Variants in OR9Q1 observed in about 807,000 individuals in gnomAD.
The protein encoded by OR9Q1 is olfactory receptor family 9 subfamily Q member 1.
For missense variants in OR9Q1, 374 were observed against 378.8 expected, an observed-to-expected ratio of 0.99 and a Z score of 0.11; for synonymous variants, 153 against 148.6, an observed-to-expected ratio of 1.03 and a Z score of -0.22.
Position 58,176,317 on chromosome 11 carries a change from G to A in OR9Q1, c.-14-3114G>A, listed in dbSNP as rs1426996058. ...AACCCCACTCAGTGGGTGCATGGCA[G>A]GGCTTTGAGAACCGTGACTGGGAAG... On this transcript the variant is annotated intron_variant, in intron 2 of 2. Transcript: ENST00000335397. Among the ~76,000 whole-genome samples the A allele has an allele frequency of 4.6e-5, 7 of 152,338 alleles. No homozygotes were observed. The East Asian group carries it at 9.6e-4, about 21-fold the overall frequency.
intron 2 of OR9Q1, among the ~76,000 whole-genome samples, chr11:58,102,612 G>T (rs1268172598): frequency 6.6e-6 from 1 of 151,422 alleles, no homozygotes; most frequent in African/African-American, 2.4e-5. Context: ...CTCTTGGCCT[G>T]CAAGGTTTCT....
intron 2 of OR9Q1, among the ~76,000 whole-genome samples, chr11:58,140,479 G>A (rs2119865895): frequency 6.6e-6 from 1 of 152,224 alleles, no homozygotes; most frequent in South Asian, 2.1e-4. Context: ...TGTAAGGAAG[G>A]AATCCAGTTT....
chr11:58,138,839 C>T (rs1220799383), intron 2 of OR9Q1, among the ~76,000 whole-genome samples: 1 of 152,138 alleles, frequency 6.6e-6, no homozygotes, highest in Non-Finnish European at 1.5e-5. Context: ...CTATAGTCAC[C>T]ATGCTGTACC....
At chr11:58,037,678 TATATATATATA>T (rs200569592) in intron 1 of OR9Q1, among the ~76,000 whole-genome samples, 4,058 of 18,884 alleles carry the variant, frequency 0.21, 263 homozygotes, top group East Asian at 0.41. Flanking sequence ...TATATATATA[TATATATATATA>T]TTTTTTTTTT....
chr11:58,082,952 C>G (rs1853603418), intron 2 of OR9Q1, among the ~76,000 whole-genome samples: 1 of 150,934 alleles, frequency 6.6e-6, no homozygotes, highest in African/African-American at 2.4e-5. Flanking sequence ...CCCCTTCCCC[C>G]ACCCCACAAC....
chr11:58,083,907 T>C (rs1853611918), intron 2 of OR9Q1, among the ~76,000 whole-genome samples: 1 of 152,002 alleles, frequency 6.6e-6, no homozygotes. Flanking sequence ...TCTCCAGCTT[T>C]GTTCATTTTA....
At chr11:58,100,614 TTTA>T (rs1853774137) in intron 2 of OR9Q1, among the ~76,000 whole-genome samples, 1 of 152,192 alleles carries the variant, frequency 6.6e-6, no homozygotes, top group Non-Finnish European at 1.5e-5. Context: ...TATATTTATA[TTTA>T]TTTTCTGTAT....
At position 58,083,683 on chromosome 11, in the gene OR9Q1, C is replaced by T. The variant is rs1291491981; in HGVS notation, c.-15+27736C>T. On this transcript the variant is annotated intron_variant, in intron 2 of 2. Transcript: ENST00000335397. Reference sequence around the variant, plus strand: ...GTTTCATTCTTCTGCATGTGGCTAGCCAGTTATCCCAGCACCATTTATCGA... The same window carrying T: ...GTTTCATTCTTCTGCATGTGGCTAGTCAGTTATCCCAGCACCATTTATCGA... Among the ~76,000 whole-genome samples the T allele has an allele frequency of 1.3e-5, 2 of 151,294 alleles. 1 individual carries two copies. The highest frequency in any genetic ancestry group is 4.9e-5 in the African/African-American group (2 of 40,686).
At chr11:58,109,798 C>T (rs1853881875) in intron 2 of OR9Q1, 3 of 347,862 alleles carry the variant, frequency 8.6e-6, no homozygotes, top group East Asian at 7.5e-5. Context: ...TATTTACCAT[C>T]TTGAGTCCAC....
intron 2 of OR9Q1, among the ~76,000 whole-genome samples, chr11:58,127,926 A>G (rs1422999220): frequency 2.0e-5 from 3 of 152,214 alleles, no homozygotes; most frequent in Admixed American, 2.0e-4. Flanking sequence ...GGAGCTATCC[A>G]GATAAAGTGT....
chr11:58,152,910 T>C (rs1854368113), intron 2 of OR9Q1, among the ~76,000 whole-genome samples: 1 of 152,214 alleles, frequency 6.6e-6, no homozygotes, highest in Admixed American at 6.5e-5. Context: ...CTCTGAGAGA[T>C]TGCTGGGCAA....
At chr11:58,176,561 A>C (rs917153945) in intron 2 of OR9Q1, among the ~76,000 whole-genome samples, 2 of 152,240 alleles carry the variant, frequency 1.3e-5, no homozygotes, top group East Asian at 1.9e-4. Flanking sequence ...AACAAAAACC[A>C]GTGAAGAGTG....
At chr11:58,167,346 C>T (rs1854515211) in intron 2 of OR9Q1, among the ~76,000 whole-genome samples, 1 of 152,204 alleles carries the variant, frequency 6.6e-6, no homozygotes, top group Non-Finnish European at 1.5e-5. Flanking sequence ...TTATTTAACT[C>T]AATTTCTTTA....
chr11:58,114,351 T>C (rs925637512), intron 2 of OR9Q1, among the ~76,000 whole-genome samples: 2 of 152,188 alleles, frequency 1.3e-5, no homozygotes, highest in Non-Finnish European at 2.9e-5. Context: ...TAATGATAAA[T>C]GAAAGAGAGA....
At chr11:58,118,649 T>A in intron 2 of OR9Q1, 1 of 1,613,976 alleles carries the variant, frequency 6.2e-7, no homozygotes, top group Non-Finnish European at 8.5e-7. Flanking sequence ...TCCAGAGATT[T>A]GCCTGAGCCA....
intron 2 of OR9Q1, among the ~76,000 whole-genome samples, chr11:58,128,319 T>G (rs1376761185): frequency 1.3e-5 from 2 of 149,046 alleles, no homozygotes; most frequent in African/African-American, 4.9e-5. Context: ...AAGCTTACTA[T>G]AAAGCTTTAA....
Position 58,112,190 on chromosome 11 carries a change from G to A in OR9Q1, c.-15+56243G>A, listed in dbSNP as rs149455606. Among the ~76,000 whole-genome samples the A allele has an allele frequency of 5.8e-3, 885 of 152,256 alleles. 7 individuals are homozygous for A. The highest frequency in any genetic ancestry group is 0.021 in the African/African-American group (854 of 41,552). ...TGCTTGTAATCCCAATTACTTGGGA[G>A]GCTGAGGCAGGAGAATTTCTTGAAC... On this transcript the variant is annotated intron_variant, in intron 2 of 2. Coordinates refer to ENST00000335397, the MANE Select transcript of OR9Q1 (RefSeq NM_001005212.4).
intron 1 of OR9Q1, chr11:58,044,098 A>G (rs1853192886): frequency 6.6e-6 from 1 of 152,232 alleles, no homozygotes; most frequent in Non-Finnish European, 1.5e-5. Context: ...CAGGATTTGA[A>G]CAAACTCATG....
At chr11:58,086,896 T>C (rs1853639095) in intron 2 of OR9Q1, among the ~76,000 whole-genome samples, 1 of 151,678 alleles carries the variant, frequency 6.6e-6, no homozygotes. Flanking sequence ...GAGTACAAAA[T>C]TTCAGTTAGG....
Sources: allele counts gnomAD v4.1 joint callset (sites outside exome capture counted in the v4.1 genomes callset), GRCh38; gene constraint gnomAD v4.1.1; transcripts MANE v1.5; gene names NCBI Gene and HGNC (gene_info 2026-07-23, HGNC 2026-07-21).